Variants in TNFAIP2 observed in about 807,000 individuals in gnomAD.
TNFAIP2 encodes tumor necrosis factor alpha-induced protein 2.
Under a neutral mutation model 63.5 loss-of-function variants are expected in TNFAIP2, and 47 were observed. The observed-to-expected ratio is 0.74, with a 90% CI of 0.59 to 0.94. TNFAIP2 has a LOEUF of 0.94. TNFAIP2 is among the 40% of genes least tolerant of loss of function. The pLI is 0.00. For synonymous variants in TNFAIP2, 405 were observed against 390.2 expected (o/e 1.04, Z -0.45); for missense variants, 787 against 850.2 (o/e 0.93, Z 0.92).
Position 103,135,235 on chromosome 14 carries a change from G to A in TNFAIP2, c.1840G>A (p.Ala614Thr), listed in dbSNP as rs368740303. 9.7e-5 allele frequency: 156 copies of A among 1,613,790 alleles called. No homozygotes were observed. The highest frequency in any genetic ancestry group is 1.3e-4 in the Non-Finnish European group (149 of 1,180,014). ...YPDFSKGHLS[A>T]ILAIKGNLSN... ...CTTTGCCAGCAAAGGCCACCTGAGC[G>A]CTATCCTGGCCATCAAGGGGAACCT... Residue 614 changes from alanine to threonine, a missense_variant, in exon 12 of 12, where the codon GCT (alanine) becomes ACT (threonine). Ala to Thr is a moderately conservative substitution (Grantham distance 58). Coordinates refer to ENST00000560869, the MANE Select transcript of TNFAIP2 (RefSeq NM_006291.4). The surrounding 1 kb of genome is among the most constrained non-coding windows in gnomAD (Gnocchi z 7.6).
upstream of TNFAIP2, among the ~76,000 whole-genome samples, chr14:103,122,407 G>A (rs551422195): frequency 5.4e-4 from 82 of 152,346 alleles, no homozygotes; most frequent in African/African-American, 1.9e-3. Flanking sequence ...AAACAAAAGA[G>A]GGGAGGAGCA....
chr14:103,135,557 T>C lies in TNFAIP2; in HGVS notation c.*197T>C. 7.0e-7 allele frequency: 1 copy of C among 1,434,192 alleles called. No individual in the cohort carries two copies. Among genetic ancestry groups the C allele is most frequent in the Non-Finnish European group, 9.1e-7 (1 of 1,098,628 alleles). 88.8% of individuals were successfully genotyped at this position (1,434,192 alleles called of 1,614,324 possible). A position where few individuals can be genotyped will look rare whatever the true frequency, so the allele number is the denominator to read the frequency against. ...GACCTTGGTTTGTTTACATGTCCGATGGGGGCAGGAGCTCCCATCCTGGGC... is the reference window on the plus strand; with the variant it reads ...GACCTTGGTTTGTTTACATGTCCGACGGGGGCAGGAGCTCCCATCCTGGGC... On this transcript the variant is annotated 3_prime_UTR_variant, in exon 12 of 12. Coordinates refer to ENST00000560869, the MANE Select transcript of TNFAIP2 (RefSeq NM_006291.4). This position sits in a 1 kb window ranked among gnomAD's most constrained non-coding sequence, Gnocchi z 7.6.
At position 103,135,731 on chromosome 14, in the gene TNFAIP2, C is replaced by G. The variant is rs2088081472; in HGVS notation, c.*371C>G. The G allele has an allele frequency of 8.0e-7, 1 of 1,257,300 alleles. No homozygotes were observed. The highest frequency in any genetic ancestry group is 1.5e-5 in the African/African-American group (1 of 65,326). The allele number at this position is 1,257,300 out of a possible 1,614,324, so 77.9% of individuals were successfully genotyped here. ...CTCCACAGTCGGCCTCATGACTGTC[C>G]TCCTCGTGGGTGGGGCCGAGGGCCC... On this transcript the variant is annotated 3_prime_UTR_variant, in exon 12 of 12. Transcript: ENST00000560869. This position sits in a 1 kb window ranked among gnomAD's most constrained non-coding sequence, Gnocchi z 7.6.
intron 10 of TNFAIP2, 61 bp downstream of exon 10, chr14:103,133,578 C>A: frequency 6.3e-7 from 1 of 1,592,132 alleles, no homozygotes; most frequent in Non-Finnish European, 8.6e-7. Context: ...TCCCCTAGCC[C>A]TTTCAGGGTC....
At position 103,130,074 on chromosome 14, in the gene TNFAIP2, C is replaced by T; in HGVS notation, c.1048C>T (p.Gln350Ter). The T allele has an allele frequency of 6.2e-7, 1 of 1,613,422 alleles. No homozygotes were observed. The highest frequency in any genetic ancestry group is 8.5e-7 in the Non-Finnish European group (1 of 1,179,896). The change falls in exon 5 of 12, where the codon CAG (glutamine) becomes TAG (stop). Residue 350 changes from glutamine (Q) to a stop codon, truncating the protein, a stop_gained. Coordinates refer to ENST00000560869, the MANE Select transcript of TNFAIP2 (RefSeq NM_006291.4). LOFTEE classifies it high-confidence loss of function. ...ARRWAEDVPP[Q>*]RLDGHCHSEL... ...GCGCTGGGCTGAGGATGTGCCTCCC[C>T]AGAGGCTGGACGGCCACTGCCACAG...
At position 103,127,106 on chromosome 14, in the gene TNFAIP2, G is replaced by A; in HGVS notation, c.337G>A (p.Val113Met). The A allele has an allele frequency of 9.1e-7, 1 of 1,101,900 alleles. No individual in the cohort carries two copies. The highest frequency in any genetic ancestry group is 1.7e-5 in the African/African-American group (1 of 58,726). 68.3% of individuals were successfully genotyped at this position (1,101,900 alleles called of 1,614,324 possible). Residue 113 changes from valine (V) to methionine (M), a missense_variant, in exon 3 of 12, where the codon GTG becomes ATG. Val to Met is a conservative substitution (Grantham distance 21). Coordinates refer to ENST00000560869, the MANE Select transcript of TNFAIP2 (RefSeq NM_006291.4). This position sits in a 1 kb window ranked among gnomAD's most constrained non-coding sequence, Gnocchi z 5.1. ...ELAAAAAAGG[V>M]SEEELVRRQS... ...GGCGGCGGCGGCGGCGGCGGGCGGT[G>A]TGAGCGAGGAGGAGCTGGTGCGGCG... is the stretch of plus-strand genomic sequence containing the variant.
At chr14:103,125,113 G>A (rs2087826458) in intron 1 of TNFAIP2, among the ~76,000 whole-genome samples, 1 of 152,270 alleles carries the variant, frequency 6.6e-6, no homozygotes, top group South Asian at 2.1e-4. Context: ...TTGCAGGGCT[G>A]TTTCAGGGGT....
rs891487124 is a variant in TNFAIP2, at chr14:103,130,984, C to T, written c.1200-68C>T. ...GAACCCCAGGAGCTGGCAGGGAGGGCAGGGAGGCTGCTGCTGTGGTCCCAG... is the reference window on the plus strand; with the variant it reads ...GAACCCCAGGAGCTGGCAGGGAGGGTAGGGAGGCTGCTGCTGTGGTCCCAG... On this transcript the variant is annotated intron_variant, in intron 6 of 11. Coordinates refer to ENST00000560869, the MANE Select transcript of TNFAIP2 (RefSeq NM_006291.4). The T allele has an allele frequency of 3.2e-5, 49 of 1,520,846 alleles. No individual in the cohort carries two copies. The African/African-American group carries it at 5.7e-4, about 18-fold the overall frequency. The allele number at this position is 1,520,846 out of a possible 1,614,324, so 94.2% of individuals were successfully genotyped here.
rs765070275 is a variant in TNFAIP2 at position 103,131,714 on chromosome 14, GA to G, written c.1375del (p.Ser459AlafsTer15). 1 of 1,611,568 alleles carries G rather than the reference GA, an allele frequency of 6.2e-7. No homozygotes were observed. The highest frequency in any genetic ancestry group is 8.5e-7 in the Non-Finnish European group (1 of 1,179,784). ...TGCTGGGCCCCCTGGGTGAGCTCAA[GA>G]GCCACGGCTTTGACACCCTGCTCCA... ...LLLGPLGELKSHGFDTLLQNL... is the reference protein window; with the variant it reads ...LLLGPLGELKXHGFDTLLQNL... On this transcript the variant is annotated frameshift_variant, in exon 8 of 12. Transcript: ENST00000560869. LOFTEE classifies it high-confidence loss of function. The surrounding 1 kb of genome is among the most constrained non-coding windows in gnomAD (Gnocchi z 4.0).
rs749570542 is a variant in TNFAIP2, at chr14:103,127,681, GGAGGGGTGTC to G, written c.860+67_860+76del. On this transcript the variant is annotated intron_variant, in intron 3 of 11. Transcript: ENST00000560869. The surrounding 1 kb of genome is among the most constrained non-coding windows in gnomAD (Gnocchi z 5.1). ...GCCGGCAGGGAGGGTGTCCTCTGTA[GGAGGGGTGTC>G]GAGGGGTGTCGAGGTGTGCCGCCGG... The G allele has an allele frequency of 7.3e-5, 104 of 1,423,748 alleles. No homozygotes were observed. The highest frequency in any genetic ancestry group is 3.8e-4 in the Middle Eastern group (2 of 5,298). The allele number at this position is 1,423,748 out of a possible 1,614,324, so 88.2% of individuals were successfully genotyped here.
chr14:103,127,447 G>A lies in TNFAIP2; in HGVS notation c.678G>A (p.Glu226=). ...VFLHLGRTMK[E]DLEAVVERLK... ...TGCACTTGGGCCGCACCATGAAGGA[G>A]GACCTGGAGGCCGTGGTGGAGCGGC... Residue 226 remains glutamate (E), a synonymous_variant, in exon 3 of 12, where the codon GAG becomes GAA. Transcript: ENST00000560869. The surrounding 1 kb of genome is among the most constrained non-coding windows in gnomAD (Gnocchi z 5.1). 6.3e-7 allele frequency: 1 copy of A among 1,588,416 alleles called. No individual in the cohort carries two copies. Among genetic ancestry groups the A allele is most frequent in the Non-Finnish European group, 8.5e-7 (1 of 1,175,442 alleles).
rs563330912 is a variant in TNFAIP2 at position 103,131,925 on chromosome 14, C to T, written c.1422+163C>T. Among the ~76,000 whole-genome samples the T allele has an allele frequency of 3.0e-4, 46 of 152,106 alleles. 1 individual carries two copies. In the East Asian group the frequency reaches 8.6e-3, roughly 28 times the overall value. On this transcript the variant is annotated intron_variant, in intron 8 of 11. Coordinates refer to ENST00000560869, the MANE Select transcript of TNFAIP2 (RefSeq NM_006291.4). The surrounding 1 kb of genome is among the most constrained non-coding windows in gnomAD (Gnocchi z 4.0). ...CCAGCTCTGGTGCAGCGGTGATGCCCGGTTGGGGACCCTAGCAGGCTCTGA... is the reference window on the plus strand; with the variant it reads ...CCAGCTCTGGTGCAGCGGTGATGCCTGGTTGGGGACCCTAGCAGGCTCTGA...
chr14:103,133,669 C>A lies in TNFAIP2; in HGVS notation c.1702-13C>A, dbSNP rs763036734. 1.9e-6 allele frequency: 3 copies of A among 1,555,102 alleles called. No individual in the cohort carries two copies. Among genetic ancestry groups the A allele is most frequent in the East Asian group, 2.3e-5 (1 of 44,314 alleles). On this transcript the variant is annotated splice_polypyrimidine_tract_variant and intron_variant, in intron 10 of 11. Coordinates refer to ENST00000560869, the MANE Select transcript of TNFAIP2 (RefSeq NM_006291.4). ...GGACCCCTGGGTCCCTCCAACCACACCCACTCCTGCAGGGCTCCCCGGCGA... is the reference window on the plus strand; with the variant it reads ...GGACCCCTGGGTCCCTCCAACCACAACCACTCCTGCAGGGCTCCCCGGCGA...
rs2087973338 is a variant in TNFAIP2, at chr14:103,131,564, G to A, written c.1299-75G>A. 1 of 1,492,320 alleles carries A rather than the reference G, an allele frequency of 6.7e-7. No homozygotes were observed. The highest frequency in any genetic ancestry group is 1.3e-5 in the South Asian group (1 of 78,588). 92.4% of individuals were successfully genotyped at this position (1,492,320 alleles called of 1,614,324 possible). On this transcript the variant is annotated intron_variant, in intron 7 of 11. Transcript: ENST00000560869. This position sits in a 1 kb window ranked among gnomAD's most constrained non-coding sequence, Gnocchi z 4.0. ...TTGAGGGTTCTAGAGTGAAGAGAGG[G>A]GGCTGTCTGGCTCCCTGGGTATGGG...
At position 103,132,785 on chromosome 14, in the gene TNFAIP2, G is replaced by A. The variant is rs141613731; in HGVS notation, c.1458G>A (p.Ala486=). The A allele has an allele frequency of 2.5e-5, 40 of 1,613,874 alleles. No homozygotes were observed. The highest frequency in any genetic ancestry group is 1.2e-4 in the African/African-American group (9 of 75,064). The change falls in exon 9 of 12, where the codon GCG becomes GCA. Residue 486 remains alanine (A), a synonymous_variant. Transcript: ENST00000560869. ...LFKRFTHTRW[A]APVETLENII... ...AGAGGTTCACGCACACCCGCTGGGC[G>A]GCCCCTGTGGAGACCCTGGAAAACA...
Position 103,135,367 on chromosome 14 carries a change from C to T in TNFAIP2, c.*7C>T. ...CCTTATAAAGGTTGGTTAGCTTTTC[C>T]TGTGGCCTGACCTGCCTGTGAGTGC... On this transcript the variant is annotated 3_prime_UTR_variant, in exon 12 of 12. Transcript: ENST00000560869. This position sits in a 1 kb window ranked among gnomAD's most constrained non-coding sequence, Gnocchi z 7.6. 3.8e-6 allele frequency: 6 copies of T among 1,597,256 alleles called. No individual in the cohort carries two copies. The highest frequency in any genetic ancestry group is 5.1e-6 in the Non-Finnish European group (6 of 1,171,592).
At chr14:103,133,024 G>A in intron 9 of TNFAIP2, 152 bp downstream of exon 9, 1 of 1,291,506 alleles carries the variant, frequency 7.7e-7, no homozygotes, top group Non-Finnish European at 1.1e-6. Context: ...ACGTGCACAT[G>A]TGAACACACG....
intron 6 of TNFAIP2, among the ~76,000 whole-genome samples, 178 bp from the exon 7 acceptor site, chr14:103,130,874 C>T (rs1334158262): frequency 1.3e-5 from 2 of 152,150 alleles, no homozygotes; most frequent in Non-Finnish European, 2.9e-5. Context: ...CTTCAGGAGC[C>T]CAAGCCTTAG....
chr14:103,131,195 G>A lies in TNFAIP2; in HGVS notation c.1298+45G>A, dbSNP rs2234138. 3.3e-4 allele frequency: 522 copies of A among 1,598,558 alleles called. 9 individuals carry two copies. In the East Asian group the frequency reaches 7.9e-3, roughly 24 times the overall value. On this transcript the variant is annotated intron_variant, in intron 7 of 11. Transcript: ENST00000560869. This position sits in a 1 kb window ranked among gnomAD's most constrained non-coding sequence, Gnocchi z 4.0. The stretch of plus-strand genomic sequence containing the variant: ...CTTGCGGGAGTGGGAGTCACTCAGC[G>A]GGCAGGAGAGGGGAGCTGGAAGGTG...
Sources: allele counts gnomAD v4.1 joint callset (sites outside exome capture counted in the v4.1 genomes callset), GRCh38; gene constraint gnomAD v4.1.1; non-coding constraint Gnocchi (gnomAD v3.1); transcripts MANE v1.5; gene names NCBI Gene and HGNC (gene_info 2026-07-23, HGNC 2026-07-21).